The following SMYD3 variants were observed in gnomAD, a reference collection of about 807,000 sequenced individuals.
SMYD3 encodes the protein histone-lysine N-methyltransferase SMYD3.
SMYD3 carries 36 observed loss-of-function variants against 57.7 expected under a neutral mutation model. That is an observed-to-expected ratio of 0.62 (90% CI 0.48 to 0.82). The LOEUF (loss-of-function observed/expected upper bound fraction) is 0.82, where lower values mean the gene tolerates loss of function less well. SMYD3 is among the 40% of genes least tolerant of loss of function. SMYD3 has a pLI of 0.00. For synonymous variants in SMYD3, 211 were observed against 195.0 expected (o/e 1.08, Z -0.68); for missense variants, 515 against 538.8 (o/e 0.96, Z 0.44).
chr1:246,357,326 G>A (rs2065923444), intron 1 of SMYD3, among the ~76,000 whole-genome samples: 1 of 152,142 alleles, frequency 6.6e-6, no homozygotes, highest in Non-Finnish European at 1.5e-5. Context: ...GTGACCAGAG[G>A]TCACTGGTGG....
chr1:246,152,227 G>A (rs929884082), intron 5 of SMYD3, among the ~76,000 whole-genome samples: 2 of 152,190 alleles, frequency 1.3e-5, no homozygotes, highest in Non-Finnish European at 2.9e-5. Flanking sequence ...GGCAGCCTGG[G>A]ACACCTGGCG....
chr1:246,238,643 G>T (rs921657766), intron 5 of SMYD3, among the ~76,000 whole-genome samples: 4 of 151,912 alleles, frequency 2.6e-5, no homozygotes, highest in African/African-American at 9.7e-5. Context: ...TTTCATTTTC[G>T]TTTTTTTGCT....
chr1:246,014,530 G>A (rs922674299), intron 5 of SMYD3, among the ~76,000 whole-genome samples: 1 of 152,026 alleles, frequency 6.6e-6, no homozygotes, highest in Non-Finnish European at 1.5e-5. Flanking sequence ...AATCACAGCC[G>A]CATTATTAAT....
intron 9 of SMYD3, among the ~76,000 whole-genome samples, chr1:245,863,251 A>C (rs1280100412): frequency 6.6e-6 from 1 of 152,198 alleles, no homozygotes; most frequent in East Asian, 1.9e-4. Context: ...ACAGTAAAAC[A>C]TTAGTGGAGC....
rs867844932 is a variant in SMYD3 at position 246,083,225 on chromosome 1, C to G, written c.532-153288G>C. Among the ~76,000 whole-genome samples the G allele has an allele frequency of 3.9e-5, 6 of 152,174 alleles. 1 individual carries two copies. In the Middle Eastern group the frequency reaches 0.01, roughly 259 times the overall value. ...CAATGGAATGTCTCCGTGTAAAACCCGATTGTATATTCCATCTACTGAGAC... is the reference window on the plus strand; with the variant it reads ...CAATGGAATGTCTCCGTGTAAAACCGGATTGTATATTCCATCTACTGAGAC... On this transcript the variant is annotated intron_variant, in intron 5 of 11. Transcript: ENST00000490107.
rs954363157 is a variant in SMYD3 at position 246,362,183 on chromosome 1, A to G, written c.165-7089T>C. ...ATCTCTCCATATCAAATTCAAATCC[A>G]GTCCATAAACTGGTTAAAAGTATTT... On this transcript the variant is annotated intron_variant, in intron 1 of 11. Transcript: ENST00000490107. 3.9e-5 allele frequency among the ~76,000 whole-genome samples: 6 copies of G among 152,212 alleles called. No individual in the cohort carries two copies. In the South Asian group the frequency reaches 1.0e-3, roughly 26 times the overall value.
intron 5 of SMYD3, among the ~76,000 whole-genome samples, chr1:246,148,499 G>A (rs888881147): frequency 1.3e-5 from 2 of 152,082 alleles, no homozygotes; most frequent in Non-Finnish European, 2.9e-5. Flanking sequence ...ACTTCTCTGA[G>A]TACCTCATTC....
intron 5 of SMYD3, among the ~76,000 whole-genome samples, chr1:246,242,675 C>T (rs896421912): frequency 1.8e-4 from 28 of 151,652 alleles, no homozygotes; most frequent in Non-Finnish European, 2.6e-4. Context: ...GAGTCAAGAC[C>T]CATCAGTGTG....
At chr1:246,149,814 C>G (rs1412450725) in intron 5 of SMYD3, among the ~76,000 whole-genome samples, 4 of 152,216 alleles carry the variant, frequency 2.6e-5, no homozygotes, top group African/African-American at 9.6e-5. Context: ...TAAGGAGCAT[C>G]CTTGAAAGCA....
At chr1:245,920,269 T>C (rs141368624) in intron 7 of SMYD3, among the ~76,000 whole-genome samples, 10,613 of 136,160 alleles carry the variant, frequency 0.078, 712 homozygotes, top group African/African-American at 0.19. Flanking sequence ...GACGAGATCA[T>C]GCCACTGCAC....
intron 5 of SMYD3, among the ~76,000 whole-genome samples, chr1:246,132,201 A>C (rs2061598868): frequency 6.6e-6 from 1 of 152,146 alleles, no homozygotes; most frequent in South Asian, 2.1e-4. Context: ...ATATTTAAAA[A>C]AGCTTTACAA....
intron 8 of SMYD3, among the ~76,000 whole-genome samples, chr1:245,877,182 T>G (rs1480750667): frequency 6.6e-6 from 1 of 152,230 alleles, no homozygotes; most frequent in African/African-American, 2.4e-5. Context: ...GCTGCCCTAC[T>G]AGGTCTGCAG....
At chr1:246,286,044 ATG>A (rs894235674) in intron 5 of SMYD3, among the ~76,000 whole-genome samples, 3 of 152,172 alleles carry the variant, frequency 2.0e-5, no homozygotes, top group Non-Finnish European at 4.4e-5. Flanking sequence ...GCTGGTGGGA[ATG>A]TAAACCAGTA....
rs2148477924 is a variant in SMYD3 at position 245,858,520 on chromosome 1, C to G, written c.1052G>C (p.Gly351Ala). ...CCTGTATGGCTCCATGGTCCGAGTA[C>G]CATAGAACAAGGCTTCCTCCAACAG... Reference protein sequence around the residue: ...LGLLEEALFYGTRTMEPYRIF... With the variant: ...LGLLEEALFYATRTMEPYRIF... The change falls in exon 10 of 12, where the codon GGT becomes GCT. Residue 351 changes from glycine (G) to alanine (A), a missense_variant. Physicochemically the swap from Gly to Ala is moderately conservative, Grantham distance 60. Transcript: ENST00000490107. 1 of 1,614,130 alleles carries G rather than the reference C, an allele frequency of 6.2e-7. No homozygotes were observed. The highest frequency in any genetic ancestry group is 1.1e-5 in the South Asian group (1 of 91,066).
chr1:245,928,035 T>TG lies in SMYD3; in HGVS notation c.600-3dup, dbSNP rs751233491. On this transcript the variant is annotated splice_region_variant and splice_polypyrimidine_tract_variant and intron_variant, in intron 6 of 11. Transcript: ENST00000490107. ...CAGCTGTGATTGAGCAAAGAGATACTGGAAAAAAAAAGGGGGGAAGACTGT... is the reference window on the plus strand; with the variant it reads ...CAGCTGTGATTGAGCAAAGAGATACTGGGAAAAAAAAAGGGGGGAAGACTGT... 6.3e-7 allele frequency: 1 copy of TG among 1,595,028 alleles called. No individual in the cohort carries two copies. Among genetic ancestry groups the TG allele is most frequent in the South Asian group, 1.1e-5 (1 of 88,896 alleles).
At chr1:246,054,714 G>A (rs2060118851) in intron 5 of SMYD3, among the ~76,000 whole-genome samples, 1 of 152,042 alleles carries the variant, frequency 6.6e-6, no homozygotes, top group African/African-American at 2.4e-5. Context: ...GGGGCTGGGG[G>A]TGGGTGAGGG....
intron 5 of SMYD3, among the ~76,000 whole-genome samples, chr1:246,258,355 A>G (rs1572292110): frequency 6.6e-6 from 1 of 152,152 alleles, no homozygotes; most frequent in East Asian, 1.9e-4. Context: ...CTTTACAGCA[A>G]TGCAAGAGCA....
At chr1:245,894,196 A>G (rs2053589450) in intron 8 of SMYD3, among the ~76,000 whole-genome samples, 1 of 152,166 alleles carries the variant, frequency 6.6e-6, no homozygotes, top group Admixed American at 6.5e-5. Context: ...GTGCTCTGTA[A>G]AAACGCACCA....
intron 2 of SMYD3, among the ~76,000 whole-genome samples, chr1:246,338,095 A>C (rs1033344077): frequency 2.6e-5 from 4 of 152,238 alleles, no homozygotes; most frequent in African/African-American, 9.6e-5. Context: ...TTTCCATGAA[A>C]AGCCAAATCA....
Sources: gnomAD v4.1 joint callset for allele counts (sites outside exome capture counted in the v4.1 genomes callset) on GRCh38, gnomAD v4.1.1 for gene constraint, MANE v1.5 for transcripts, NCBI Gene and HGNC (gene_info 2026-07-23, HGNC 2026-07-21) for gene names.